RAPH1: variants seen among roughly 807,000 people sequenced by gnomAD.
RAPH1 encodes Ras association (RalGDS/AF-6) and pleckstrin homology domains 1.
A neutral mutation model predicts 88.1 loss-of-function variants in RAPH1; 18 were observed. The observed-to-expected ratio is 0.20, with a 90% CI of 0.14 to 0.30. The LOEUF is 0.30. Ranked by LOEUF, RAPH1 falls within the 10% of genes least tolerant of loss-of-function variation. The pLI, the probability that RAPH1 is intolerant of heterozygous loss-of-function variation, is 1.00. For missense variants in RAPH1, 1,448 were observed against 1,543.2 expected (o/e 0.94, Z 1.03); for synonymous variants, 587 against 559.0 (o/e 1.05, Z -0.71).
intron 1 of RAPH1, among the ~76,000 whole-genome samples, chr2:203,498,404 A>G (rs1426164334): frequency 1.3e-5 from 2 of 152,190 alleles, no homozygotes; most frequent in Non-Finnish European, 2.9e-5. Context: ...AGGAAGTTAT[A>G]ATCAAAGAGA....
rs1178494257 is a variant in RAPH1, at chr2:203,438,120, C to A, written c.*1317G>T. The A allele has an allele frequency of 1.9e-6, 1 of 518,398 alleles. No individual in the cohort carries two copies. Among genetic ancestry groups the A allele is most frequent in the Non-Finnish European group, 3.9e-6 (1 of 259,696 alleles). 32.1% of individuals were successfully genotyped at this position (518,398 alleles called of 1,614,324 possible). ...TGTCAGTTACTGGACTTGGACTGTC[C>A]CACTCCATCAGAACACCTAGTAACC... On this transcript the variant is annotated 3_prime_UTR_variant, in exon 14 of 14. Coordinates refer to ENST00000319170, the MANE Select transcript of RAPH1 (RefSeq NM_213589.3).
At chr2:203,473,868 C>G (rs1295976743) in intron 4 of RAPH1, among the ~76,000 whole-genome samples, 4 of 151,974 alleles carry the variant, frequency 2.6e-5, no homozygotes, top group Admixed American at 2.6e-4. Context: ...TCTCTGTTTT[C>G]CTCTTCATGT....
chr2:203,494,676 G>A (rs1173689267), intron 2 of RAPH1, among the ~76,000 whole-genome samples: 1 of 151,808 alleles, frequency 6.6e-6, no homozygotes, highest in Non-Finnish European at 1.5e-5. Context: ...GGGCGTGGTG[G>A]CGGGCGCCTG....
At chr2:203,522,033 C>G (rs1168725206) in intron 1 of RAPH1, among the ~76,000 whole-genome samples, 2 of 152,128 alleles carry the variant, frequency 1.3e-5, no homozygotes, top group African/African-American at 4.8e-5. Flanking sequence ...ACTCACCTGA[C>G]AAGATTCTAC....
Position 203,506,898 on chromosome 2 carries a change from ATT to A in RAPH1, c.1-11547_1-11546del, listed in dbSNP as rs1243668890. Among the ~76,000 whole-genome samples, 20 of 87,872 alleles carry A rather than the reference ATT, an allele frequency of 2.3e-4. 2 individuals carry two copies. The highest frequency in any genetic ancestry group is 5.8e-4 in the African/African-American group (9 of 15,630). The allele number at this position is 87,872 out of a possible 152,430, so 57.6% of individuals were successfully genotyped here. A position where few individuals can be genotyped will look rare whatever the true frequency, so the allele number is the denominator to read the frequency against. The stretch of plus-strand genomic sequence containing the variant: ...TATATATAGATATATATATATATAT[ATT>A]TTTTTTTTTTTTGAGATGAACTTTC... On this transcript the variant is annotated intron_variant, in intron 1 of 13. Coordinates refer to ENST00000319170, the MANE Select transcript of RAPH1 (RefSeq NM_213589.3).
intron 1 of RAPH1, among the ~76,000 whole-genome samples, chr2:203,534,387 T>C (rs1294905977): frequency 2.0e-5 from 3 of 152,064 alleles, no homozygotes; most frequent in East Asian, 3.9e-4. Context: ...ATAAGGTTTA[T>C]GCGGTTTCCA....
Position 203,438,856 on chromosome 2 carries a change from C to T in RAPH1, c.*581G>A, listed in dbSNP as rs1208946449. 1 of 154,102 alleles carries T rather than the reference C, an allele frequency of 6.5e-6. No individual in the cohort carries two copies. The highest frequency in any genetic ancestry group is 2.4e-5 in the African/African-American group (1 of 41,436). 9.5% of individuals were successfully genotyped at this position (154,102 alleles called of 1,614,324 possible). On this transcript the variant is annotated 3_prime_UTR_variant, in exon 14 of 14. Transcript: ENST00000319170. ...GAGAGATTTTCCTGATTTAAAGTGC[C>T]CCTTCATGTATAGCAATGAAGTGTC... is the stretch of plus-strand genomic sequence containing the variant.
chr2:203,502,625 T>A (rs1688785775), intron 1 of RAPH1, among the ~76,000 whole-genome samples: 1 of 146,564 alleles, frequency 6.8e-6, no homozygotes. Context: ...ATTGAGACCA[T>A]CCTGGCTAAC....
intron 1 of RAPH1, among the ~76,000 whole-genome samples, chr2:203,513,927 C>T (rs1689480141): frequency 6.6e-6 from 1 of 152,022 alleles, no homozygotes; most frequent in East Asian, 1.9e-4. Context: ...TCACTGCAGC[C>T]TCCACCTCCC....
At chr2:203,500,602 C>A (rs144460376) in intron 1 of RAPH1, among the ~76,000 whole-genome samples, 134 of 152,254 alleles carry the variant, frequency 8.8e-4, no homozygotes, top group African/African-American at 3.1e-3. Context: ...ATACTAATGT[C>A]AAGAGGATGG....
chr2:203,527,777 G>A (rs1690189193), intron 1 of RAPH1, among the ~76,000 whole-genome samples: 2 of 135,826 alleles, frequency 1.5e-5, no homozygotes, highest in South Asian at 4.6e-4. Flanking sequence ...TCCAGCCTGG[G>A]CAACAACAGT....
intron 1 of RAPH1, among the ~76,000 whole-genome samples, chr2:203,503,405 A>C (rs1213210181): frequency 6.6e-6 from 1 of 152,158 alleles, no homozygotes; most frequent in Non-Finnish European, 1.5e-5. Context: ...GGCAAGACAA[A>C]ATGTGAAGAA....
intron 1 of RAPH1, among the ~76,000 whole-genome samples, chr2:203,507,893 G>A (rs558228033): frequency 9.2e-5 from 14 of 152,186 alleles, no homozygotes; most frequent in Admixed American, 5.2e-4. Context: ...TTGCAGTGAC[G>A]TAAGAGAACA....
rs1384315322 is a variant in RAPH1, at chr2:203,526,735, AC to A, written c.-1+8375del. On this transcript the variant is annotated intron_variant, in intron 1 of 13. Coordinates refer to ENST00000319170, the MANE Select transcript of RAPH1 (RefSeq NM_213589.3). ...AAAAAAAAAAAAAAAAAAATACAAT[AC>A]ACTATGAAGTGGAACTTAATATGAA... Among the ~76,000 whole-genome samples the A allele has an allele frequency of 4.4e-4, 67 of 150,574 alleles. 1 individual carries two copies. The highest frequency in any genetic ancestry group is 1.5e-4 in the Non-Finnish European group (10 of 67,688).
intron 2 of RAPH1, among the ~76,000 whole-genome samples, chr2:203,492,080 A>C (rs1285213413): frequency 6.6e-6 from 1 of 152,062 alleles, no homozygotes; most frequent in Non-Finnish European, 1.5e-5. Context: ...CTAAAAGTAC[A>C]AAAATTAGCT....
intron 13 of RAPH1, chr2:203,444,275 TACAA>T (rs1390451616): frequency 6.7e-6 from 1 of 150,206 alleles, no homozygotes; most frequent in African/African-American, 2.5e-5. Context: ...CTACTAAAAA[TACAA>T]AAATTAGCTG....
chr2:203,528,504 T>A lies in RAPH1; in HGVS notation c.-1+6607A>T, dbSNP rs368842355. On this transcript the variant is annotated intron_variant, in intron 1 of 13. Transcript: ENST00000319170. ...ATACAAACTTAACAGTATCTCCTAA[T>A]AGAAAGTACAGCCGAAGAGGCACTT... Among the ~76,000 whole-genome samples, 3 of 152,306 alleles carry A rather than the reference T, an allele frequency of 2.0e-5. No homozygotes were observed. In the South Asian group the frequency reaches 6.2e-4, roughly 32 times the overall value.
chr2:203,492,297 T>C (rs1211751009), intron 2 of RAPH1, among the ~76,000 whole-genome samples: 1 of 151,602 alleles, frequency 6.6e-6, no homozygotes, highest in Non-Finnish European at 1.5e-5. Context: ...AGGGATTTGG[T>C]TTAGGTCCAG....
At chr2:203,495,083 A>G in intron 2 of RAPH1, 151 bp downstream of exon 2, 1 of 760,888 alleles carries the variant, frequency 1.3e-6, no homozygotes. Context: ...CTGTTCTAGA[A>G]TGACTTCATT....
Sources: allele counts gnomAD v4.1 joint callset (sites outside exome capture counted in the v4.1 genomes callset), GRCh38; gene constraint gnomAD v4.1.1; transcripts MANE v1.5; gene names NCBI Gene and HGNC (gene_info 2026-07-23, HGNC 2026-07-21).